The following PPP1R12A variants were observed in gnomAD, a reference collection of about 807,000 sequenced individuals.
PPP1R12A encodes protein phosphatase 1 regulatory subunit 12A, also known as myosin binding subunit.
PPP1R12A carries 19 observed loss-of-function variants against 139.6 expected under a neutral mutation model. The observed-to-expected ratio is 0.14, with a 90% CI of 0.09 to 0.20. The LOEUF is 0.20. Ranked by LOEUF, PPP1R12A falls within the 10% of genes least tolerant of loss-of-function variation. The probability of loss-of-function intolerance (pLI) is 1.00; values close to 1 mark genes in which losing one functional copy is unlikely to be tolerated. For missense variants in PPP1R12A, 925 were observed against 1,211.5 expected (o/e 0.76, Z 3.51); for synonymous variants, 427 against 420.6 (o/e 1.02, Z -0.19).
In PPP1R12A at chr12:79,777,692, A is replaced by C. The variant is rs571673775; in HGVS notation, c.3006+858T>G. 10 of 939,924 alleles carry C rather than the reference A, an allele frequency of 1.1e-5. No homozygotes were observed. In the African/African-American group the frequency reaches 1.8e-4, roughly 17 times the overall value. 58.2% of individuals were successfully genotyped at this position (939,924 alleles called of 1,614,324 possible). A position where few individuals can be genotyped will look rare whatever the true frequency, so the allele number is the denominator to read the frequency against. ...ACATAAAGAAATAGGAATAAAAAAT[A>C]AGAAAATGGAAAAGAGTATAATAAG... On this transcript the variant is annotated intron_variant, in intron 24 of 24. Coordinates refer to ENST00000450142, the MANE Select transcript of PPP1R12A (RefSeq NM_002480.3).
chr12:79,846,148 T>TATTC (rs1396919347), intron 2 of PPP1R12A, among the ~76,000 whole-genome samples: 1 of 152,092 alleles, frequency 6.6e-6, no homozygotes, highest in African/African-American at 2.4e-5. Flanking sequence ...TAGGTCTTTT[T>TATTC]AATATTTTAC....
intron 22 of PPP1R12A, 102 bp from the exon 23 acceptor site, chr12:79,781,964 G>A: frequency 1.8e-6 from 1 of 568,598 alleles, no homozygotes; most frequent in South Asian, 3.1e-5. Context: ...ATATTCAAGT[G>A]GAGTAAAACA....
chr12:79,935,202 A>G, upstream of PPP1R12A: 1 of 1,312,418 alleles, frequency 7.6e-7, no homozygotes, highest in East Asian at 3.3e-5. Context: ...TAACTTCGCG[A>G]GATCCGGACT....
chr12:79,934,661 A>C, intron 1 of PPP1R12A, 34 bp downstream of exon 1: 1 of 1,490,482 alleles, frequency 6.7e-7, no homozygotes, highest in Non-Finnish European at 9.0e-7. Flanking sequence ...GAGAACCCTC[A>C]CGGTCAGGAG....
chr12:79,848,464 G>A (rs1879662095), intron 2 of PPP1R12A, among the ~76,000 whole-genome samples: 1 of 152,110 alleles, frequency 6.6e-6, no homozygotes, highest in Non-Finnish European at 1.5e-5. Flanking sequence ...ACTAGCTGCA[G>A]CTTGAAGTAC....
intron 4 of PPP1R12A, 24 bp from the exon 5 acceptor site, chr12:79,828,488 AC>A (rs747042678): frequency 1.3e-6 from 2 of 1,498,174 alleles, no homozygotes; most frequent in African/African-American, 2.8e-5. Context: ...AGTGAATTAG[AC>A]AATCATTAAA....
At chr12:79,902,597 T>C (rs1885749775) in intron 1 of PPP1R12A, among the ~76,000 whole-genome samples, 1 of 152,214 alleles carries the variant, frequency 6.6e-6, no homozygotes, top group African/African-American at 2.4e-5. Flanking sequence ...TTAATTTCAA[T>C]TTTTACAGGT....
At chr12:79,836,742 G>C (rs896370942) in intron 3 of PPP1R12A, among the ~76,000 whole-genome samples, 3 of 152,164 alleles carry the variant, frequency 2.0e-5, no homozygotes, top group African/African-American at 4.8e-5. Flanking sequence ...TGTATTAGGA[G>C]ACTTGCTTTC....
At chr12:79,842,331 G>T (rs550643780) in intron 3 of PPP1R12A, among the ~76,000 whole-genome samples, 2 of 151,972 alleles carry the variant, frequency 1.3e-5, no homozygotes, top group African/African-American at 2.4e-5. Flanking sequence ...AAACAAACCC[G>T]CAGTCATTAG....
At chr12:79,850,883 G>A (rs528757773) in intron 2 of PPP1R12A, among the ~76,000 whole-genome samples, 31 of 152,106 alleles carry the variant, frequency 2.0e-4, no homozygotes, top group Admixed American at 1.4e-3. Flanking sequence ...CTTCCCCTTT[G>A]CCTTCTGCCA....
intron 1 of PPP1R12A, among the ~76,000 whole-genome samples, chr12:79,888,548 A>G (rs1330073565): frequency 6.6e-6 from 1 of 152,144 alleles, no homozygotes; most frequent in East Asian, 1.9e-4. Context: ...ATGCAGTTAC[A>G]TAGAAGCAAG....
intron 1 of PPP1R12A, among the ~76,000 whole-genome samples, chr12:79,877,632 CAGCCTCCT>C (rs1186844875): frequency 6.6e-6 from 1 of 152,198 alleles, no homozygotes; most frequent in Middle Eastern, 3.2e-3. Flanking sequence ...CCTCTTGCAT[CAGCCTCCT>C]AGGTAGCTGG....
At chr12:79,791,196 A>C (rs1456148253) in intron 19 of PPP1R12A, among the ~76,000 whole-genome samples, 1 of 152,234 alleles carries the variant, frequency 6.6e-6, no homozygotes, top group Non-Finnish European at 1.5e-5. Flanking sequence ...AAATGTCTAC[A>C]TATCAAACAA....
At chr12:79,820,956 A>G in intron 7 of PPP1R12A, 25 bp from the exon 8 acceptor site, 3 of 1,610,730 alleles carry the variant, frequency 1.9e-6, no homozygotes, top group Non-Finnish European at 2.5e-6. Context: ...CAGTGTTCAA[A>G]TGATTAGAAA....
intron 1 of PPP1R12A, among the ~76,000 whole-genome samples, chr12:79,905,804 C>G (rs1886060757): frequency 6.6e-6 from 1 of 152,088 alleles, no homozygotes; most frequent in Admixed American, 6.6e-5. Flanking sequence ...ATATAATCCA[C>G]CTGTAATACA....
chr12:79,927,248 T>A (rs559324095), intron 1 of PPP1R12A, among the ~76,000 whole-genome samples: 14 of 152,056 alleles, frequency 9.2e-5, no homozygotes, highest in Non-Finnish European at 1.6e-4. Flanking sequence ...ACGATATAAA[T>A]TGCTATTAGG....
At chr12:79,776,892 T>C (rs895763983) in intron 24 of PPP1R12A, among the ~76,000 whole-genome samples, 1 of 152,142 alleles carries the variant, frequency 6.6e-6, no homozygotes. Context: ...GTTTTCAAAA[T>C]GTATTAGTTT....
chr12:79,820,658 G>T, intron 8 of PPP1R12A, 116 bp downstream of exon 8: 1 of 958,756 alleles, frequency 1.0e-6, no homozygotes. Flanking sequence ...TAGTAGTGTG[G>T]CAGGTATCTA....
At chr12:79,843,512 GAGGTTGCAGTGAACCCAGACTGCAA>G (rs1333347042) in intron 3 of PPP1R12A, among the ~76,000 whole-genome samples, 2 of 152,086 alleles carry the variant, frequency 1.3e-5, no homozygotes, top group African/African-American at 4.8e-5. Flanking sequence ...CCGAGAGGCA[GAGGTTGCAGTGAACCCAGACTGCAA>G]AGGTTGCAGC....
Sources: gnomAD v4.1 joint callset for allele counts (sites outside exome capture counted in the v4.1 genomes callset) on GRCh38, gnomAD v4.1.1 for gene constraint, MANE v1.5 for transcripts, NCBI Gene and HGNC (gene_info 2026-07-23, HGNC 2026-07-21) for gene names.